Variants in HNRNPLL observed in about 807,000 individuals in gnomAD.
The protein encoded by HNRNPLL is heterogeneous nuclear ribonucleoprotein L like.
In HNRNPLL, 25 loss-of-function variants were observed where a neutral mutation model predicts 67.1. The observed-to-expected ratio is 0.37, with a 90% CI of 0.27 to 0.52. HNRNPLL has a LOEUF of 0.52. Ranked by LOEUF, HNRNPLL falls within the 20% of genes least tolerant of loss-of-function variation. HNRNPLL has a pLI of 0.90. For missense variants in HNRNPLL, 542 were observed against 673.9 expected (o/e 0.80, Z 2.17); for synonymous variants, 267 against 241.7 (o/e 1.10, Z -0.97).
rs1318487579 is a variant in HNRNPLL at position 38,597,994 on chromosome 2, G to C, written c.189+4444C>G. On this transcript the variant is annotated intron_variant, in intron 1 of 12. Coordinates refer to ENST00000449105, the MANE Select transcript of HNRNPLL (RefSeq NM_138394.4). ...GAGCCACCGTGCCCGGCCAAGTCAA[G>C]TAACTTTTTAAAAAACAAACTTTTT... 2.6e-5 allele frequency among the ~76,000 whole-genome samples: 4 copies of C among 151,566 alleles called. No homozygotes were observed. In the East Asian group the frequency reaches 7.8e-4, roughly 30 times the overall value.
At chr2:38,578,966 A>T (rs1034546588) in intron 6 of HNRNPLL, among the ~76,000 whole-genome samples, 2 of 152,006 alleles carry the variant, frequency 1.3e-5, no homozygotes, top group African/African-American at 4.8e-5. Flanking sequence ...GTCTCTCATC[A>T]CGCAAGTCTC....
chr2:38,566,698 T>G (rs1403730829), intron 12 of HNRNPLL, among the ~76,000 whole-genome samples: 2 of 151,532 alleles, frequency 1.3e-5, no homozygotes, highest in Non-Finnish European at 2.9e-5. Flanking sequence ...AAAGTGCAAC[T>G]ATTGACCAGT....
intron 1 of HNRNPLL, among the ~76,000 whole-genome samples, chr2:38,599,269 T>C (rs1478853816): frequency 6.6e-6 from 1 of 152,214 alleles, no homozygotes; most frequent in African/African-American, 2.4e-5. Flanking sequence ...TTAATAATCT[T>C]TGATTTGCCT....
At chr2:38,572,213 T>C (rs1319870882) in intron 8 of HNRNPLL, among the ~76,000 whole-genome samples, 8 of 85,724 alleles carry the variant, frequency 9.3e-5, no homozygotes, top group Non-Finnish European at 2.1e-5. Context: ...AAATGTGGAA[T>C]GTTTTGTTTT....
At chr2:38,590,011 C>G (rs1372886333) in intron 2 of HNRNPLL, among the ~76,000 whole-genome samples, 3 of 152,210 alleles carry the variant, frequency 2.0e-5, no homozygotes, top group African/African-American at 7.2e-5. Context: ...AGTCTGTCTA[C>G]TTAATATGTA....
chr2:38,595,272 T>TAAAA (rs70954734), intron 1 of HNRNPLL, among the ~76,000 whole-genome samples: 16 of 68,762 alleles, frequency 2.3e-4, no homozygotes, highest in East Asian at 4.1e-4. Context: ...AGACCTTGTC[T>TAAAA]AAAAAAAAAA....
At position 38,563,788 on chromosome 2, in the gene HNRNPLL, CAT is replaced by C. The variant is rs1665745741; in HGVS notation, c.*392_*393del. On this transcript the variant is annotated 3_prime_UTR_variant, in exon 13 of 13. Coordinates refer to ENST00000449105, the MANE Select transcript of HNRNPLL (RefSeq NM_138394.4). ...ACTGCAACATACTTAAACATCTAAA[CAT>C]ATAATAGGAATTCTATATTAAAATG... 6.4e-6 allele frequency: 1 copy of C among 156,410 alleles called. No homozygotes were observed. The highest frequency in any genetic ancestry group is 2.0e-4 in the South Asian group (1 of 5,088). The allele number at this position is 156,410 out of a possible 1,614,324, so 9.7% of individuals were successfully genotyped here.
Position 38,568,011 on chromosome 2 carries a change from G to A in HNRNPLL, c.1573+188C>T, listed in dbSNP as rs1231258810. ...TAATAAATGTTTGCTGTTTTAAGAT[G>A]CTAAATTTTATGGCAATTTGTTATA... On this transcript the variant is annotated intron_variant, in intron 12 of 12. Coordinates refer to ENST00000449105, the MANE Select transcript of HNRNPLL (RefSeq NM_138394.4). The A allele has an allele frequency of 7.9e-6, 4 of 505,926 alleles. No individual in the cohort carries two copies. The East Asian group carries it at 1.0e-4, about 13-fold the overall frequency. The allele number at this position is 505,926 out of a possible 1,614,324, so 31.3% of individuals were successfully genotyped here. A position where few individuals can be genotyped will look rare whatever the true frequency, so the allele number is the denominator to read the frequency against.
At chr2:38,564,999 A>G (rs1665801632) in intron 12 of HNRNPLL, among the ~76,000 whole-genome samples, 1 of 150,962 alleles carries the variant, frequency 6.6e-6, no homozygotes, top group Non-Finnish European at 1.5e-5. Flanking sequence ...AATTACTGAA[A>G]AAAAAAAAAC....
chr2:38,582,338 C>T lies in HNRNPLL; in HGVS notation c.633-170G>A, dbSNP rs561347608. Among the ~76,000 whole-genome samples, 8 of 152,172 alleles carry T rather than the reference C, an allele frequency of 5.3e-5. 1 individual carries two copies. The South Asian group carries it at 1.7e-3, about 32-fold the overall frequency. On this transcript the variant is annotated intron_variant, in intron 4 of 12. Transcript: ENST00000449105. ...TTTTTGTTTTGTTTTGTTTTTGAGA[C>T]GGAGTCTTGCTCTATCACCAGGAGT...
chr2:38,574,721 C>CT (rs1338661574), intron 7 of HNRNPLL, among the ~76,000 whole-genome samples: 1 of 151,770 alleles, frequency 6.6e-6, no homozygotes, highest in Non-Finnish European at 1.5e-5. Flanking sequence ...GGGAGGAATA[C>CT]TTTATCAATG....
intron 7 of HNRNPLL, among the ~76,000 whole-genome samples, chr2:38,574,125 T>C (rs1363745606): frequency 2.0e-5 from 3 of 151,942 alleles, no homozygotes; most frequent in African/African-American, 4.8e-5. Context: ...GTCTCTTACA[T>C]TGAGAATCCT....
At chr2:38,580,229 C>T (rs1193441459) in intron 6 of HNRNPLL, among the ~76,000 whole-genome samples, 1 of 152,186 alleles carries the variant, frequency 6.6e-6, no homozygotes, top group Non-Finnish European at 1.5e-5. Context: ...TCATCAACCA[C>T]TTGTCCGGTT....
At chr2:38,572,257 T>G (rs527555807) in intron 8 of HNRNPLL, among the ~76,000 whole-genome samples, 1 of 152,066 alleles carries the variant, frequency 6.6e-6, no homozygotes, top group Non-Finnish European at 1.5e-5. Context: ...ATCAAATGGT[T>G]GACAAAATTC....
intron 12 of HNRNPLL, 124 bp downstream of exon 12, chr2:38,568,072 TTTC>T (rs1275380843): frequency 4.5e-5 from 28 of 623,342 alleles, no homozygotes; most frequent in Non-Finnish European, 6.9e-5. Context: ...TTAATATGCC[TTTC>T]TTTTTTGTAT....
rs79104939 is a variant in HNRNPLL, at chr2:38,581,744, A to G, written c.802+169T>C. On this transcript the variant is annotated intron_variant, in intron 6 of 12. Coordinates refer to ENST00000449105, the MANE Select transcript of HNRNPLL (RefSeq NM_138394.4). ...AGCTCAGTACATACCAGTAGGGGGC[A>G]CTAATGTTCAAGGTTATTTTCCAGC... 1,605 of 626,186 alleles carry G rather than the reference A, an allele frequency of 2.6e-3. 22 individuals carry two copies. The African/African-American group carries it at 0.027, about 10-fold the overall frequency. The allele number at this position is 626,186 out of a possible 1,614,324, so 38.8% of individuals were successfully genotyped here.
At chr2:38,597,698 T>A (rs574790530) in intron 1 of HNRNPLL, among the ~76,000 whole-genome samples, 23 of 151,934 alleles carry the variant, frequency 1.5e-4, no homozygotes, top group East Asian at 5.8e-4. Context: ...TTTATTTTTT[T>A]TTTTTTTTGA....
intron 7 of HNRNPLL, among the ~76,000 whole-genome samples, chr2:38,574,435 G>T (rs1184872789): frequency 6.6e-6 from 1 of 151,862 alleles, no homozygotes; most frequent in Admixed American, 6.6e-5. Flanking sequence ...AGGTCCCCCT[G>T]ATGTGCAAAA....
chr2:38,565,858 G>T, intron 12 of HNRNPLL: 1 of 194,644 alleles, frequency 5.1e-6, no homozygotes, highest in Non-Finnish European at 9.3e-6. Context: ...TTCAATAATT[G>T]TCAATATTTG....
Sources: allele counts gnomAD v4.1 joint callset (sites outside exome capture counted in the v4.1 genomes callset), GRCh38; gene constraint gnomAD v4.1.1; transcripts MANE v1.5; gene names NCBI Gene and HGNC (gene_info 2026-07-23, HGNC 2026-07-21).